The following WIPI2 variants were observed in gnomAD, a reference collection of about 807,000 sequenced individuals.
WIPI2 encodes WD repeat domain, phosphoinositide interacting 2, also known as WD repeat domain phosphoinositide-interacting protein 2.
Under a neutral mutation model 52.3 loss-of-function variants are expected in WIPI2, and 28 were observed. The ratio of observed to expected loss-of-function variants is 0.54; its 90% confidence interval spans 0.40 to 0.73. WIPI2 has a LOEUF of 0.73. Among genes scored for constraint, WIPI2 ranks in the 30% least tolerant of loss-of-function variants. WIPI2 has a pLI of 0.00. For synonymous variants in WIPI2, 268 were observed against 245.0 expected (o/e 1.09, Z -0.88); for missense variants, 506 against 602.9 (o/e 0.84, Z 1.68).
chr7:5,217,056 A>G, intron 5 of WIPI2, 34 bp from the exon 6 acceptor site: 2 of 1,587,554 alleles, frequency 1.3e-6, no homozygotes, highest in Non-Finnish European at 8.6e-7. Flanking sequence ...CTCAGGTGGA[A>G]GTTTGCATCT....
At chr7:5,190,564 C>G (rs1781425946) in intron 1 of WIPI2, 71 bp downstream of exon 1, 1 of 1,318,442 alleles carries the variant, frequency 7.6e-7, no homozygotes, top group South Asian at 1.9e-5. Flanking sequence ...GAGGGCCTCG[C>G]TGCCAAGCTC....
intron 1 of WIPI2, among the ~76,000 whole-genome samples, chr7:5,191,563 T>C (rs945605770): frequency 6.6e-6 from 1 of 152,056 alleles, no homozygotes; most frequent in African/African-American, 2.4e-5. Context: ...GGATGCTGCC[T>C]GGGAGGAGGA....
chr7:5,218,061 A>G (rs763585633), intron 7 of WIPI2, 47 bp downstream of exon 7: 10 of 1,592,448 alleles, frequency 6.3e-6, no homozygotes, highest in Non-Finnish European at 8.6e-6. Context: ...AGGCGTCCAC[A>G]GACTTTTTCA....
rs10279924 is a variant in WIPI2 at position 5,197,106 on chromosome 7, C to G, written c.129-2470C>G. ...CAGCCTGCATGACAGAGCGGGACTCCGTCTCAAAAAACAAAAAAAAAAAAA... is the reference window on the plus strand; with the variant it reads ...CAGCCTGCATGACAGAGCGGGACTCGGTCTCAAAAAACAAAAAAAAAAAAA... On this transcript the variant is annotated intron_variant, in intron 2 of 12. Transcript: ENST00000288828. 4.1e-3 allele frequency among the ~76,000 whole-genome samples: 378 copies of G among 92,826 alleles called. 3 individuals are homozygous for G. The highest frequency in any genetic ancestry group is 0.017 in the African/African-American group (358 of 21,420). The allele number at this position is 92,826 out of a possible 152,430, so 60.9% of individuals were successfully genotyped here.
At chr7:5,206,372 A>G (rs1470064484) in intron 3 of WIPI2, among the ~76,000 whole-genome samples, 1 of 152,200 alleles carries the variant, frequency 6.6e-6, no homozygotes, top group Non-Finnish European at 1.5e-5. Context: ...TTGAAGCAAA[A>G]TGGTAGAAAG....
chr7:5,222,736 T>C, intron 8 of WIPI2, 64 bp downstream of exon 8: 1 of 1,489,796 alleles, frequency 6.7e-7, no homozygotes. Context: ...TTTTATGTTA[T>C]CTATGAACAA....
At chr7:5,199,777 C>A in intron 3 of WIPI2, 119 bp downstream of exon 3, 1 of 985,504 alleles carries the variant, frequency 1.0e-6, no homozygotes, top group Non-Finnish European at 1.5e-6. Context: ...CTTACCAGTC[C>A]TCTGCTTCCA....
Position 5,231,196 on chromosome 7 carries a change from A to C in WIPI2, c.*249A>C, listed in dbSNP as rs908564651. On this transcript the variant is annotated 3_prime_UTR_variant, in exon 13 of 13. Coordinates refer to ENST00000288828, the MANE Select transcript of WIPI2 (RefSeq NM_015610.4). ...GTTTGTTTGTTTTCTCTTTTTGCCA[A>C]AATTAACTGTTTGGTGAAGCCCGCA... 4.9e-6 allele frequency: 2 copies of C among 405,940 alleles called. No homozygotes were observed. The highest frequency in any genetic ancestry group is 8.7e-6 in the Non-Finnish European group (2 of 228,958). 25.1% of individuals were successfully genotyped at this position (405,940 alleles called of 1,614,324 possible). A position where few individuals can be genotyped will look rare whatever the true frequency, so the allele number is the denominator to read the frequency against.
rs200703884 is a variant in WIPI2 at position 5,232,022 on chromosome 7, CTCGCT to C, written c.*1078_*1082del. Reference sequence around the variant, plus strand: ...TGTGGTTGCAAGCTTCAGTATTTGCCTCGCTTCCCTTCCCTTTTCATATTTACAGA... The same window carrying C: ...TGTGGTTGCAAGCTTCAGTATTTGCCTCCCTTCCCTTTTCATATTTACAGA... On this transcript the variant is annotated 3_prime_UTR_variant, in exon 13 of 13. Coordinates refer to ENST00000288828, the MANE Select transcript of WIPI2 (RefSeq NM_015610.4). 1 of 325,516 alleles carries C rather than the reference CTCGCT, an allele frequency of 3.1e-6. No homozygotes were observed. The highest frequency in any genetic ancestry group is 5.1e-6 in the Non-Finnish European group (1 of 197,912). The allele number at this position is 325,516 out of a possible 1,614,324, so 20.2% of individuals were successfully genotyped here.
intron 3 of WIPI2, 146 bp from the exon 4 acceptor site, chr7:5,214,389 C>G: frequency 6.2e-7 from 1 of 1,605,936 alleles, no homozygotes; most frequent in Non-Finnish European, 8.5e-7. Flanking sequence ...GGGCTGTCCC[C>G]ACCCCATGAC....
chr7:5,217,208 G>A lies in WIPI2; in HGVS notation c.576+21G>A, dbSNP rs377378093. ...ATTTGGTGAGATGCCTTTCCTGCTC[G>A]AATAGCTCTCTAAAGTGTGGCTTTT... On this transcript the variant is annotated intron_variant, in intron 6 of 12. Transcript: ENST00000288828. The A allele has an allele frequency of 1.4e-5, 23 of 1,612,880 alleles. No individual in the cohort carries two copies. In the African/African-American group the frequency reaches 1.6e-4, roughly 11 times the overall value.
intron 3 of WIPI2, among the ~76,000 whole-genome samples, chr7:5,204,433 C>T (rs554088723): frequency 2.0e-4 from 31 of 152,272 alleles, no homozygotes; most frequent in Admixed American, 1.9e-3. Context: ...TGCCACTGCG[C>T]TCCAGCTTGG....
intron 3 of WIPI2, among the ~76,000 whole-genome samples, chr7:5,201,305 G>C (rs2115225143): frequency 6.6e-6 from 1 of 152,354 alleles, no homozygotes; most frequent in South Asian, 2.1e-4. Flanking sequence ...TTCCCTTGCT[G>C]GGGGCCAGTG....
At position 5,217,100 on chromosome 7, in the gene WIPI2, G is replaced by A. The variant is rs765436643; in HGVS notation, c.489G>A (p.Ala163=). 12 of 1,612,682 alleles carry A rather than the reference G, an allele frequency of 7.4e-6. No individual in the cohort carries two copies. Among genetic ancestry groups the A allele is most frequent in the East Asian group, 4.5e-5 (2 of 44,852 alleles). The change falls in exon 6 of 13, where the codon GCG becomes GCA. Residue 163 remains alanine (A), a synonymous_variant. Coordinates refer to ENST00000288828, the MANE Select transcript of WIPI2 (RefSeq NM_015610.4). ...ETPPNPAGLC[A]LSINNDNCYL... ...GTGTGTCATTTGCAGGCCTGTGTGCGCTGTCAATCAACAACGACAACTGCT... is the reference window on the plus strand; with the variant it reads ...GTGTGTCATTTGCAGGCCTGTGTGCACTGTCAATCAACAACGACAACTGCT...
chr7:5,197,131 A>C (rs1562384721), intron 2 of WIPI2, among the ~76,000 whole-genome samples: 2 of 148,466 alleles, frequency 1.3e-5, no homozygotes, highest in East Asian at 3.9e-4. Context: ...AAAAAAAAAA[A>C]AAAAAAAAAA....
intron 2 of WIPI2, among the ~76,000 whole-genome samples, chr7:5,199,274 T>G (rs1022550292): frequency 6.6e-6 from 1 of 152,212 alleles, no homozygotes; most frequent in East Asian, 1.9e-4. Context: ...ACTCCTGGGC[T>G]CAAGCAGTCC....
intron 3 of WIPI2, among the ~76,000 whole-genome samples, chr7:5,200,524 T>G (rs979295796): frequency 1.3e-5 from 2 of 151,604 alleles, no homozygotes; most frequent in East Asian, 2.0e-4. Context: ...TTGTGCTCGT[T>G]TGTGTGTGCG....
chr7:5,210,498 C>T (rs1005368171), intron 3 of WIPI2, among the ~76,000 whole-genome samples: 14 of 152,158 alleles, frequency 9.2e-5, no homozygotes, highest in South Asian at 2.1e-4. Context: ...TTGGCAGTTT[C>T]GGTGCCACAC....
rs541327238 is a variant in WIPI2, at chr7:5,227,897, C to G, written c.1014-207C>G. On this transcript the variant is annotated intron_variant, in intron 10 of 12. Coordinates refer to ENST00000288828, the MANE Select transcript of WIPI2 (RefSeq NM_015610.4). This position sits in a 1 kb window ranked among gnomAD's most constrained non-coding sequence, Gnocchi z 8.1. ...GCCACAAAACTGGTTTCATCCCGCTCTCGTCTCCCGTGGGCTTCAGGGCTC... is the reference window on the plus strand; with the variant it reads ...GCCACAAAACTGGTTTCATCCCGCTGTCGTCTCCCGTGGGCTTCAGGGCTC... Among the ~76,000 whole-genome samples, 65 of 152,338 alleles carry G rather than the reference C, an allele frequency of 4.3e-4. 1 individual carries two copies. The highest frequency in any genetic ancestry group is 1.5e-3 in the African/African-American group (62 of 41,584).
Sources: gnomAD v4.1 joint callset for allele counts (sites outside exome capture counted in the v4.1 genomes callset) on GRCh38, gnomAD v4.1.1 for gene constraint, Gnocchi (gnomAD v3.1) non-coding constraint, MANE v1.5 for transcripts, NCBI Gene and HGNC (gene_info 2026-07-23, HGNC 2026-07-21) for gene names.